The following PPARGC1B variants were observed in gnomAD, a reference collection of about 807,000 sequenced individuals.
PPARGC1B encodes PPARG coactivator 1 beta.
Under a neutral mutation model 101.6 loss-of-function variants are expected in PPARGC1B, and 34 were observed. That is an observed-to-expected ratio of 0.33 (90% CI 0.25 to 0.45). The LOEUF (loss-of-function observed/expected upper bound fraction) is 0.45, where lower values mean the gene tolerates loss of function less well. PPARGC1B is among the 20% of genes least tolerant of loss of function. The probability of loss-of-function intolerance (pLI) is 1.00; values close to 1 mark genes in which losing one functional copy is unlikely to be tolerated. For synonymous variants in PPARGC1B, 548 were observed against 539.3 expected (o/e 1.02, Z -0.22); for missense variants, 1,234 against 1,317.6 (o/e 0.94, Z 0.98).
intron 1 of PPARGC1B, among the ~76,000 whole-genome samples, chr5:149,738,277 G>C (rs1369282407): frequency 6.6e-6 from 1 of 152,042 alleles, no homozygotes; most frequent in African/African-American, 2.4e-5. Context: ...AATCACTCCT[G>C]GACGTTAAGC....
rs183665743 is a variant in PPARGC1B at position 149,833,808 on chromosome 5, G to A, written c.1705+30G>A. The A allele has an allele frequency of 6.2e-4, 905 of 1,457,160 alleles. 2 individuals are homozygous for A. The highest frequency in any genetic ancestry group is 1.1e-3 in the Admixed American group (43 of 38,924). The allele number at this position is 1,457,160 out of a possible 1,614,324, so 90.3% of individuals were successfully genotyped here. On this transcript the variant is annotated intron_variant, in intron 5 of 11. Transcript: ENST00000309241. The surrounding 1 kb of genome is among the most constrained non-coding windows in gnomAD (Gnocchi z 4.1). ...TCAGAGTTGGTGGTCTGCGAAGTGG[G>A]GGCAGGGATGGGGTGCAGCATGCCC...
intron 1 of PPARGC1B, among the ~76,000 whole-genome samples, chr5:149,781,270 G>A (rs1431629369): frequency 6.6e-6 from 1 of 152,074 alleles, no homozygotes; most frequent in Non-Finnish European, 1.5e-5. Context: ...GCCTTGGGCA[G>A]TAGGGAGCTT....
chr5:149,756,375 C>G (rs1755521198), intron 1 of PPARGC1B, among the ~76,000 whole-genome samples: 2 of 152,096 alleles, frequency 1.3e-5, no homozygotes, highest in South Asian at 4.1e-4. Flanking sequence ...TCACTTGAAC[C>G]CAGGAGGCAG....
At position 149,854,753 on chromosome 5, in the gene PPARGC1B, G is replaced by C. The variant is rs1016858395; in HGVS notation, c.*7195G>C. ...CTTCTAAATGAGAAAATGTTTTCTT[G>C]TATTTGTACATTGTCAGATTCTATA... On this transcript the variant is annotated 3_prime_UTR_variant, in exon 12 of 12. Transcript: ENST00000309241. 6.6e-6 allele frequency: 1 copy of C among 152,022 alleles called. No individual in the cohort carries two copies. Among genetic ancestry groups the C allele is most frequent in the Admixed American group, 6.6e-5 (1 of 15,266 alleles). The allele number at this position is 152,022 out of a possible 1,614,324, so 9.4% of individuals were successfully genotyped here.
chr5:149,846,185 A>G (rs779046961), intron 11 of PPARGC1B: 1 of 578,070 alleles, frequency 1.7e-6, no homozygotes, highest in Admixed American at 3.1e-5. Context: ...AGTCATGTGC[A>G]CAGCCAGCTG....
At chr5:149,797,141 A>G (rs55803060) in intron 1 of PPARGC1B, among the ~76,000 whole-genome samples, 4,202 of 152,188 alleles carry the variant, frequency 0.028, 180 homozygotes, top group African/African-American at 0.094. Flanking sequence ...CAGGACTCCT[A>G]TTGGCGCATA....
chr5:149,763,329 G>A lies in PPARGC1B; in HGVS notation c.78+32909G>A, dbSNP rs972576982. On this transcript the variant is annotated intron_variant, in intron 1 of 11. Coordinates refer to ENST00000309241, the MANE Select transcript of PPARGC1B (RefSeq NM_133263.4). Reference sequence around the variant, plus strand: ...TTAAGTGGAATGAAAGATGTTAAACGCTTGGTGTGTTTTTCTTTTCTTGTC... The same window carrying A: ...TTAAGTGGAATGAAAGATGTTAAACACTTGGTGTGTTTTTCTTTTCTTGTC... 9.9e-5 allele frequency among the ~76,000 whole-genome samples: 15 copies of A among 152,178 alleles called. No homozygotes were observed. The South Asian group carries it at 2.3e-3, about 23-fold the overall frequency.
At chr5:149,745,622 C>T (rs955845502) in intron 1 of PPARGC1B, among the ~76,000 whole-genome samples, 2 of 152,136 alleles carry the variant, frequency 1.3e-5, no homozygotes, top group Non-Finnish European at 2.9e-5. Context: ...TCGAAAGCCT[C>T]TTTATAATAA....
At position 149,834,732 on chromosome 5, in the gene PPARGC1B, G is replaced by A. The variant is rs770719883; in HGVS notation, c.1742+22G>A. 1.9e-6 allele frequency: 3 copies of A among 1,605,596 alleles called. No homozygotes were observed. In the Admixed American group the frequency reaches 5.0e-5, roughly 27 times the overall value. On this transcript the variant is annotated intron_variant, in intron 6 of 11. Transcript: ENST00000309241. ...AAAGGTAGATTTTTAGAAATTATTG[G>A]TGTATTGTTCCATGAGATTTTGTCT...
rs946759934 is a variant in PPARGC1B, at chr5:149,730,640, C to T, written c.78+220C>T. Among the ~76,000 whole-genome samples the T allele has an allele frequency of 6.6e-6, 1 of 152,130 alleles. No homozygotes were observed. The highest frequency in any genetic ancestry group is 1.5e-5 in the Non-Finnish European group (1 of 67,998). ...TGCCGGAGCGCTGGGGGCGCTACGG[C>T]CGCTGGGGAGGGTCTAGCCTTGGCC... On this transcript the variant is annotated intron_variant, in intron 1 of 11. Coordinates refer to ENST00000309241, the MANE Select transcript of PPARGC1B (RefSeq NM_133263.4). The surrounding 1 kb of genome is among the most constrained non-coding windows in gnomAD (Gnocchi z 4.0).
chr5:149,844,371 C>T (rs1759467688), intron 10 of PPARGC1B, among the ~76,000 whole-genome samples: 4 of 152,136 alleles, frequency 2.6e-5, no homozygotes, highest in African/African-American at 4.8e-5. Flanking sequence ...AAGAAGGGTC[C>T]GGGCATGGTG....
intron 1 of PPARGC1B, chr5:149,817,816 T>C (rs1236723178): frequency 1.1e-5 from 5 of 456,618 alleles, no homozygotes; most frequent in South Asian, 7.7e-5. Context: ...GTTTTCTGTT[T>C]TATAAACTTA....
At chr5:149,785,918 T>TTA (rs1756787211) in intron 1 of PPARGC1B, among the ~76,000 whole-genome samples, 1 of 151,082 alleles carries the variant, frequency 6.6e-6, no homozygotes, top group African/African-American at 2.4e-5. Context: ...ACTCATTCTT[T>TTA]TTTTTTTTTT....
intron 1 of PPARGC1B, among the ~76,000 whole-genome samples, chr5:149,805,950 G>C (rs568593585): frequency 6.6e-6 from 1 of 152,386 alleles, no homozygotes; most frequent in East Asian, 1.9e-4. Flanking sequence ...GGGCTGTGAG[G>C]CCCCTCCAGC....
intron 1 of PPARGC1B, among the ~76,000 whole-genome samples, chr5:149,757,212 A>G (rs754497269): frequency 1.1e-4 from 17 of 152,212 alleles, no homozygotes; most frequent in Non-Finnish European, 1.5e-4. Context: ...TCTGGGGAAA[A>G]GTATTCCAGG....
At chr5:149,819,585 G>C (rs251459) in intron 1 of PPARGC1B, among the ~76,000 whole-genome samples, 1 of 151,844 alleles carries the variant, frequency 6.6e-6, no homozygotes, top group African/African-American at 2.4e-5. Context: ...TCACTGCAAC[G>C]TCCGCCTCCC....
Position 149,780,250 on chromosome 5 carries a change from G to C in PPARGC1B, c.79-40183G>C, listed in dbSNP as rs1466358296. Among the ~76,000 whole-genome samples, 4 of 152,216 alleles carry C rather than the reference G, an allele frequency of 2.6e-5. 1 individual carries two copies. Among genetic ancestry groups the C allele is most frequent in the African/African-American group, 9.6e-5 (4 of 41,460 alleles). On this transcript the variant is annotated intron_variant, in intron 1 of 11. Transcript: ENST00000309241. ...CAGCCAGAGCCCCGTGTGACCACCTGGCCCCAGGCCTGGCCGGTTCAGATT... is the reference window on the plus strand; with the variant it reads ...CAGCCAGAGCCCCGTGTGACCACCTCGCCCCAGGCCTGGCCGGTTCAGATT...
At position 149,735,985 on chromosome 5, in the gene PPARGC1B, G is replaced by A. The variant is rs560531852; in HGVS notation, c.78+5565G>A. ...CTAAAAATACAAAAATTAGCCGGGC[G>A]TGGTGGTGTGTGCCTGTAATCCCAG... is the stretch of plus-strand genomic sequence containing the variant. On this transcript the variant is annotated intron_variant, in intron 1 of 11. Coordinates refer to ENST00000309241, the MANE Select transcript of PPARGC1B (RefSeq NM_133263.4). Among the ~76,000 whole-genome samples, 12 of 152,266 alleles carry A rather than the reference G, an allele frequency of 7.9e-5. 1 individual carries two copies. Among genetic ancestry groups the A allele is most frequent in the African/African-American group, 2.9e-4 (12 of 41,542 alleles).
chr5:149,827,033 G>T lies in PPARGC1B; in HGVS notation c.465+148G>T. ...TTGATCACAGCAGAGAGCGTGGGCC[G>T]AAGGTGGGAGGCCCCCCTGGACTTA... is the stretch of plus-strand genomic sequence containing the variant. On this transcript the variant is annotated intron_variant, in intron 3 of 11. Transcript: ENST00000309241. 4.5e-6 allele frequency: 3 copies of T among 668,668 alleles called. No homozygotes were observed. In the South Asian group the frequency reaches 5.9e-5, roughly 13 times the overall value. The allele number at this position is 668,668 out of a possible 1,614,324, so 41.4% of individuals were successfully genotyped here.
Sources: gnomAD v4.1 joint callset for allele counts (sites outside exome capture counted in the v4.1 genomes callset) on GRCh38, gnomAD v4.1.1 for gene constraint, Gnocchi (gnomAD v3.1) non-coding constraint, MANE v1.5 for transcripts, NCBI Gene and HGNC (gene_info 2026-07-23, HGNC 2026-07-21) for gene names.